NDUFA10: variants seen among roughly 807,000 people sequenced by gnomAD.
The protein encoded by NDUFA10 is NADH:ubiquinone oxidoreductase subunit A10, also known as NADH dehydrogenase [ubiquinone] 1 alpha subcomplex subunit 10, mitochondrial.
Under a neutral mutation model 47.8 loss-of-function variants are expected in NDUFA10, and 40 were observed. That is an observed-to-expected ratio of 0.84 (90% CI 0.65 to 1.09). NDUFA10 has a LOEUF of 1.09. Ranked by LOEUF, NDUFA10 falls within the 50% of genes least tolerant of loss-of-function variation. NDUFA10 has a pLI of 0.00. For synonymous variants in NDUFA10, 183 were observed against 172.2 expected (o/e 1.06, Z -0.49); for missense variants, 413 against 451.1 (o/e 0.92, Z 0.76).
At chr2:239,974,964 TCCGCCACCAAAGAG>T (rs1173830349) in intron 9 of NDUFA10, among the ~76,000 whole-genome samples, 3 of 144,084 alleles carry the variant, frequency 2.1e-5, no homozygotes, top group African/African-American at 5.3e-5. Context: ...GTGACACTCC[TCCGCCACCAAAGAG>T]CTGGTCATTT....
intron 4 of NDUFA10, among the ~76,000 whole-genome samples, chr2:239,915,098 C>T (rs1236142357): frequency 6.9e-6 from 1 of 144,148 alleles, no homozygotes; most frequent in Non-Finnish European, 1.5e-5. Flanking sequence ...CAGAGATACA[C>T]AAACATACAC....
rs1240915207 is a variant in NDUFA10, at chr2:239,899,000, A to AGGG, written c.295-3687_295-3686insCCC. 2.1e-4 allele frequency among the ~76,000 whole-genome samples: 21 copies of AGGG among 98,628 alleles called. 1 individual carries two copies. Among genetic ancestry groups the AGGG allele is most frequent in the Admixed American group, 9.3e-4 (9 of 9,694 alleles). 64.7% of individuals were successfully genotyped at this position (98,628 alleles called of 152,430 possible). ...GAGGTATGATGGAGAGGTGTGATGGAGAGGTGTGATGGAGGGGAGTCATGG... is the reference window on the plus strand; with the variant it reads ...GAGGTATGATGGAGAGGTGTGATGGAGGGGAGGTGTGATGGAGGGGAGTCATGG... On this transcript the variant is annotated intron_variant, in intron 4 of 5. Coordinates refer to the NDUFA10 transcript ENST00000419408.
chr2:239,973,714 C>A (rs1448164095), intron 9 of NDUFA10: 1 of 425,154 alleles, frequency 2.4e-6, no homozygotes, highest in Admixed American at 3.1e-5. Flanking sequence ...AAGGGCTGTA[C>A]AGAAATAAAA....
intron 9 of NDUFA10, among the ~76,000 whole-genome samples, chr2:239,966,107 C>A (rs1189654192): frequency 6.6e-6 from 1 of 152,238 alleles, no homozygotes; most frequent in Non-Finnish European, 1.5e-5. Context: ...ATGACCCTGG[C>A]GTGTGTCAGT....
At chr2:239,910,636 G>A (rs1162030223) in intron 4 of NDUFA10, among the ~76,000 whole-genome samples, 2 of 152,040 alleles carry the variant, frequency 1.3e-5, no homozygotes, top group African/African-American at 2.4e-5. Flanking sequence ...GTGATGGGAT[G>A]ATGTGTGCAG....
At chr2:240,020,711 G>A (rs938478992) in intron 3 of NDUFA10, among the ~76,000 whole-genome samples, 2 of 152,056 alleles carry the variant, frequency 1.3e-5, no homozygotes, top group African/African-American at 4.8e-5. Flanking sequence ...TGTGTGTTCT[G>A]CCTCCCCCCG....
At chr2:239,913,296 G>A (rs13018581) in intron 4 of NDUFA10, among the ~76,000 whole-genome samples, 28,840 of 152,210 alleles carry the variant, frequency 0.19, 3,249 homozygotes, top group African/African-American at 0.31. Context: ...TGCTTAGCTT[G>A]CTCCCTTCCT....
At chr2:239,980,841 T>C (rs1172126473) in intron 9 of NDUFA10, among the ~76,000 whole-genome samples, 1 of 152,152 alleles carries the variant, frequency 6.6e-6, no homozygotes, top group Non-Finnish European at 1.5e-5. Context: ...GGTGTCCCTG[T>C]GAGGTGACTC....
At chr2:239,917,856 C>T (rs894128107) in intron 4 of NDUFA10, among the ~76,000 whole-genome samples, 2 of 152,238 alleles carry the variant, frequency 1.3e-5, no homozygotes, top group Non-Finnish European at 2.9e-5. Context: ...CTGATTCCCA[C>T]AACAAGAGCC....
At chr2:239,980,173 G>A (rs921194710) in intron 9 of NDUFA10, among the ~76,000 whole-genome samples, 2 of 152,210 alleles carry the variant, frequency 1.3e-5, no homozygotes, top group African/African-American at 4.8e-5. Context: ...CATGAGGGCA[G>A]GGCTTGGCTT....
chr2:239,920,869 G>A (rs896721725), intron 4 of NDUFA10, among the ~76,000 whole-genome samples: 1 of 152,194 alleles, frequency 6.6e-6, no homozygotes, highest in Non-Finnish European at 1.5e-5. Flanking sequence ...TGAGGTGCCT[G>A]GTCATTGGCT....
intron 9 of NDUFA10, among the ~76,000 whole-genome samples, chr2:239,968,785 T>G (rs959277234): frequency 6.6e-5 from 10 of 151,468 alleles, no homozygotes; most frequent in African/African-American, 2.4e-4. Context: ...TTCCAGGGAG[T>G]TGCAAGCAGA....
At position 240,021,398 on chromosome 2, in the gene NDUFA10, G is replaced by C. The variant is rs768978213; in HGVS notation, c.259C>G (p.Pro87Ala). The C allele has an allele frequency of 1.2e-6, 2 of 1,614,140 alleles. No individual in the cohort carries two copies. The highest frequency in any genetic ancestry group is 1.7e-5 in the Admixed American group (1 of 60,020). Residue 87 changes from proline (P) to alanine (A), a missense_variant, in exon 3 of 10, where the codon CCT becomes GCT. Physicochemically the swap from Pro to Ala is conservative, Grantham distance 27. Coordinates refer to ENST00000252711, the MANE Select transcript of NDUFA10 (RefSeq NM_004544.4). ...TCTGGATAATGAATCCCCGCTTCAG[G>C]AAAGTGCTTGAAGCCTGAAAAGAGA... is the stretch of plus-strand genomic sequence containing the variant. Reference protein sequence around the residue: ...IAEKLGFKHFPEAGIHYPDST... With the variant: ...IAEKLGFKHFAEAGIHYPDST...
At chr2:240,025,051 G>A (rs1697798990) in intron 1 of NDUFA10, among the ~76,000 whole-genome samples, 176 bp downstream of exon 1, 1 of 152,210 alleles carries the variant, frequency 6.6e-6, no homozygotes, top group Non-Finnish European at 1.5e-5. Flanking sequence ...GGCCCCCTGA[G>A]GTCTGTCCAC....
rs1694812598 is a variant in NDUFA10, at chr2:239,960,620, T to C, written c.*498A>G. ...AAATACAGTAGGCCTTTAGAAAAAC[T>C]CTTCAGCATAATGTAAGCCTCAATT... On this transcript the variant is annotated 3_prime_UTR_variant, in exon 10 of 10. Transcript: ENST00000252711. 9.7e-7 allele frequency: 1 copy of C among 1,025,772 alleles called. No homozygotes were observed. The highest frequency in any genetic ancestry group is 3.9e-5 in the South Asian group (1 of 25,778). 63.5% of individuals were successfully genotyped at this position (1,025,772 alleles called of 1,614,324 possible). A position where few individuals can be genotyped will look rare whatever the true frequency, so the allele number is the denominator to read the frequency against.
At chr2:239,915,350 C>G (rs1295339057) in intron 4 of NDUFA10, among the ~76,000 whole-genome samples, 4 of 145,382 alleles carry the variant, frequency 2.8e-5, no homozygotes, top group Non-Finnish European at 4.5e-5. Flanking sequence ...CATACTCAGA[C>G]ACACACAAAT....
intron 4 of NDUFA10, among the ~76,000 whole-genome samples, chr2:239,921,822 G>T (rs1199673947): frequency 6.6e-6 from 1 of 152,136 alleles, no homozygotes; most frequent in Non-Finnish European, 1.5e-5. Flanking sequence ...TGGGGGCAGG[G>T]TGGGGACGGG....
At chr2:239,924,975 A>G (rs1221538438) in intron 4 of NDUFA10, among the ~76,000 whole-genome samples, 1 of 152,146 alleles carries the variant, frequency 6.6e-6, no homozygotes, top group Non-Finnish European at 1.5e-5. Flanking sequence ...AACTCAAAAA[A>G]TTACCTATGT....
chr2:239,964,914 G>A (rs1694998877), intron 9 of NDUFA10, among the ~76,000 whole-genome samples: 1 of 152,130 alleles, frequency 6.6e-6, no homozygotes, highest in Non-Finnish European at 1.5e-5. Flanking sequence ...TAACCAACCT[G>A]CTGCAAACCC....
Sources: gnomAD v4.1 joint callset for allele counts (sites outside exome capture counted in the v4.1 genomes callset) on GRCh38, gnomAD v4.1.1 for gene constraint, MANE v1.5 for transcripts, NCBI Gene and HGNC (gene_info 2026-07-23, HGNC 2026-07-21) for gene names.